PCDH15: variants seen among roughly 807,000 people sequenced by gnomAD.
PCDH15 encodes protocadherin-15.
A neutral mutation model predicts 178.5 loss-of-function variants in PCDH15; 129 were observed. The observed-to-expected ratio is 0.72, with a 90% CI of 0.63 to 0.84. PCDH15 has a LOEUF of 0.84. Among genes scored for constraint, PCDH15 ranks in the 40% least tolerant of loss-of-function variants. The pLI, the probability that PCDH15 is intolerant of heterozygous loss-of-function variation, is 0.00. For missense variants in PCDH15, 2,230 were observed against 2,099.9 expected, an observed-to-expected ratio of 1.06 and a Z score of -1.21; for synonymous variants, 800 against 732.0, an observed-to-expected ratio of 1.09 and a Z score of -1.50.
At chr10:53,982,431 CAATGA>C (rs1030569143) in intron 21 of PCDH15, among the ~76,000 whole-genome samples, 191 of 152,124 alleles carry the variant, frequency 1.3e-3, no homozygotes, top group Admixed American at 2.4e-3. Context: ...AAATGTCCAA[CAATGA>C]TAGACTGGAT....
intron 2 of PCDH15, among the ~76,000 whole-genome samples, chr10:54,570,903 C>T (rs1321473723): frequency 1.3e-5 from 2 of 151,330 alleles, no homozygotes; most frequent in African/African-American, 2.4e-5. Context: ...CCTGGCCTCA[C>T]GATTCACCTG....
In PCDH15 at chr10:53,822,346, TAGG is replaced by T. The variant is rs978342737; in HGVS notation, c.4368-2119_4368-2117del. On this transcript the variant is annotated intron_variant, in intron 32 of 37. Coordinates refer to ENST00000644397, the MANE Select transcript of PCDH15 (RefSeq NM_001384140.1). ...GTTGAAACGGAAAGTGGAAAAAATG[TAGG>T]AGGAGGAAGAGGAAGAGGGATAGAA... 3.2e-6 allele frequency: 5 copies of T among 1,584,130 alleles called. No individual in the cohort carries two copies. Among genetic ancestry groups the T allele is most frequent in the Non-Finnish European group, 4.3e-6 (5 of 1,164,430 alleles).
At chr10:54,993,879 TAA>T (rs1464841906) in intron 2 of PCDH15, among the ~76,000 whole-genome samples, 1 of 152,152 alleles carries the variant, frequency 6.6e-6, no homozygotes, top group Non-Finnish European at 1.5e-5. Flanking sequence ...TCCAACAAAT[TAA>T]AAAGTCAGAA....
At chr10:55,061,399 T>C (rs1841427222) in intron 2 of PCDH15, among the ~76,000 whole-genome samples, 2 of 152,150 alleles carry the variant, frequency 1.3e-5, no homozygotes, top group African/African-American at 4.8e-5. Flanking sequence ...ACCCAGAACA[T>C]TGATTATGCT....
At chr10:55,331,231 C>T (rs1293547215) in intron 2 of PCDH15, among the ~76,000 whole-genome samples, 1 of 151,790 alleles carries the variant, frequency 6.6e-6, no homozygotes. Flanking sequence ...GCACAACTCA[C>T]GAGTGTTACT....
intron 2 of PCDH15, among the ~76,000 whole-genome samples, chr10:54,645,798 A>G (rs2094118087): frequency 6.6e-6 from 1 of 152,178 alleles, no homozygotes; most frequent in South Asian, 2.1e-4. Context: ...AATTGAAAAT[A>G]TTATTATAAC....
intron 6 of PCDH15, among the ~76,000 whole-genome samples, chr10:54,332,983 A>C (rs1940175622): frequency 1.3e-5 from 2 of 151,992 alleles, no homozygotes; most frequent in East Asian, 3.9e-4. Context: ...TTGCTCTGTC[A>C]TCCAGGCTTG....
chr10:54,739,598 A>G (rs1944534327), intron 1 of PCDH15, among the ~76,000 whole-genome samples: 1 of 151,830 alleles, frequency 6.6e-6, no homozygotes, highest in Admixed American at 6.6e-5. Flanking sequence ...ATGGAGCCAC[A>G]AAAGACCACA....
At chr10:54,996,157 C>G (rs571641052) in intron 2 of PCDH15, among the ~76,000 whole-genome samples, 6 of 152,242 alleles carry the variant, frequency 3.9e-5, no homozygotes, top group Admixed American at 3.9e-4. Context: ...TTTCAGAAAC[C>G]CTCCTAAACA....
chr10:55,005,160 C>T (rs898916062), intron 2 of PCDH15, among the ~76,000 whole-genome samples: 1 of 143,824 alleles, frequency 7.0e-6, no homozygotes, highest in Admixed American at 7.0e-5. Flanking sequence ...CTTTTTGAGC[C>T]CAGAAGTTTG....
At chr10:55,613,281 A>G (rs1843408681) in intron 2 of PCDH15, among the ~76,000 whole-genome samples, 1 of 152,146 alleles carries the variant, frequency 6.6e-6, no homozygotes, top group Non-Finnish European at 1.5e-5. Flanking sequence ...TGGTGACACT[A>G]TAGCCTATCT....
intron 5 of PCDH15, among the ~76,000 whole-genome samples, chr10:54,353,584 T>C (rs983957075): frequency 8.5e-5 from 13 of 152,174 alleles, no homozygotes; most frequent in Non-Finnish European, 1.0e-4. Context: ...TTGCTTAGTT[T>C]TGCCTGTTCT....
chr10:53,831,386 C>T lies in PCDH15; in HGVS notation c.4131G>A (p.Leu1377=). 6.2e-7 allele frequency: 1 copy of T among 1,614,138 alleles called. No individual in the cohort carries two copies. Among genetic ancestry groups the T allele is most frequent in the Admixed American group, 1.7e-5 (1 of 60,020 alleles). ...GGATGATGATGAAGGCCAGAGCCAA[C>T]AAGGCCCCTTCTGTGTATCCTAGAC... The part of the protein sequence containing the change: ...GESLGYTEGA[L]LALAFIIILC... Residue 1377 remains leucine, a synonymous_variant, in exon 30 of 38, where the codon TTG becomes TTA. Transcript: ENST00000644397.
intron 3 of PCDH15, among the ~76,000 whole-genome samples, chr10:54,450,038 G>T (rs762526099): frequency 6.7e-4 from 101 of 151,348 alleles, no homozygotes; most frequent in Non-Finnish European, 1.1e-3. Flanking sequence ...ATAGCGAGAT[G>T]TGGTGATAGC....
At chr10:54,045,262 G>A (rs1056272921) in intron 18 of PCDH15, among the ~76,000 whole-genome samples, 4 of 152,080 alleles carry the variant, frequency 2.6e-5, no homozygotes, top group African/African-American at 4.8e-5. Flanking sequence ...TCCTTGCAAA[G>A]CTAGGCTCTG....
chr10:53,807,936 A>G (rs895949531), intron 37 of PCDH15: 13 of 152,152 alleles, frequency 8.5e-5, no homozygotes, highest in African/African-American at 3.1e-4. Flanking sequence ...GTTTTTCTCA[A>G]AATAGTATCG....
chr10:54,544,198 C>T (rs1354834484), intron 2 of PCDH15, among the ~76,000 whole-genome samples: 8 of 152,092 alleles, frequency 5.3e-5, no homozygotes, highest in African/African-American at 1.7e-4. Flanking sequence ...GGACTTTGGC[C>T]ACATGCTGAA....
At chr10:54,815,299 CTATT>C (rs1952931124) in intron 3 of PCDH15, among the ~76,000 whole-genome samples, 1 of 152,018 alleles carries the variant, frequency 6.6e-6, no homozygotes, top group Admixed American at 6.6e-5. Context: ...GTACATATAT[CTATT>C]ATAAAAACTT....
rs933625608 is a variant in PCDH15 at position 54,563,416 on chromosome 10, G to A, written c.92-35539C>T. 3.3e-5 allele frequency among the ~76,000 whole-genome samples: 5 copies of A among 151,632 alleles called. 1 individual carries two copies. The highest frequency in any genetic ancestry group is 4.2e-4 in the South Asian group (2 of 4,818). ...AATTGCCTAAGTATCTGGACTTGCCGGGTATCACTGACAACAGGCCCAAAT... is the reference window on the plus strand; with the variant it reads ...AATTGCCTAAGTATCTGGACTTGCCAGGTATCACTGACAACAGGCCCAAAT... On this transcript the variant is annotated intron_variant, in intron 2 of 37. Transcript: ENST00000644397.
Sources: allele counts gnomAD v4.1 joint callset (sites outside exome capture counted in the v4.1 genomes callset), GRCh38; gene constraint gnomAD v4.1.1; transcripts MANE v1.5; gene names NCBI Gene and HGNC (gene_info 2026-07-23, HGNC 2026-07-21).